GABRB3: variants seen among roughly 807,000 people sequenced by gnomAD.
GABRB3 encodes gamma-aminobutyric acid receptor subunit beta-3.
In GABRB3, 14 loss-of-function variants were observed where a neutral mutation model predicts 52.1. That is an observed-to-expected ratio of 0.27 (90% CI 0.18 to 0.42). The LOEUF (loss-of-function observed/expected upper bound fraction) is 0.42. Among genes scored for constraint, GABRB3 ranks in the 10% least tolerant of loss-of-function variants. The pLI is 1.00. For missense variants in GABRB3, 307 were observed against 609.1 expected (o/e 0.50, Z 5.22); for synonymous variants, 260 against 232.3 (o/e 1.12, Z -1.08).
At chr15:26,738,681 T>G (rs1284190709) in intron 3 of GABRB3, among the ~76,000 whole-genome samples, 1 of 152,034 alleles carries the variant, frequency 6.6e-6, no homozygotes, top group Non-Finnish European at 1.5e-5. Flanking sequence ...TGTTACCACC[T>G]CCCATCCTAC....
At chr15:26,682,344 G>A (rs148925910) in intron 3 of GABRB3, among the ~76,000 whole-genome samples, 3 of 152,224 alleles carry the variant, frequency 2.0e-5, no homozygotes, top group Non-Finnish European at 4.4e-5. Context: ...GAAAATGCCC[G>A]GGCGGGTTTC....
chr15:26,740,836 T>C lies in GABRB3; in HGVS notation c.240+31566A>G, dbSNP rs995824698. Among the ~76,000 whole-genome samples the C allele has an allele frequency of 3.3e-5, 5 of 152,100 alleles. No homozygotes were observed. The South Asian group carries it at 8.3e-4, about 25-fold the overall frequency. The stretch of plus-strand genomic sequence containing the variant: ...GAGTACTAAGAATGTACTCATTCAC[T>C]CTCAGAGTCTGCTGGTGTGCACAAT... On this transcript the variant is annotated intron_variant, in intron 3 of 8. Transcript: ENST00000311550.
intron 5 of GABRB3, chr15:26,581,080 G>A (rs557743251): frequency 4.7e-4 from 87 of 184,492 alleles, no homozygotes; most frequent in Non-Finnish European, 8.3e-4. Context: ...AACAGTGGTC[G>A]TTAGCTGGAT....
intron 3 of GABRB3, among the ~76,000 whole-genome samples, chr15:26,717,116 C>T (rs1468499747): frequency 1.4e-5 from 2 of 140,840 alleles, no homozygotes; most frequent in South Asian, 2.5e-4. Context: ...GTTCTGGGGA[C>T]ATCCGCCCAA....
intron 3 of GABRB3, among the ~76,000 whole-genome samples, chr15:26,667,334 T>C (rs1001842610): frequency 1.3e-5 from 2 of 152,116 alleles, no homozygotes; most frequent in African/African-American, 4.8e-5. Context: ...TCTAGTAGGA[T>C]CTGGGGGTGA....
intron 3 of GABRB3, among the ~76,000 whole-genome samples, chr15:26,696,505 T>G (rs1419646126): frequency 6.6e-6 from 1 of 152,276 alleles, no homozygotes; most frequent in Middle Eastern, 3.4e-3. Flanking sequence ...CAGGTAATCA[T>G]CTTTTCCTGG....
chr15:26,728,702 G>A (rs1488277197), intron 3 of GABRB3, among the ~76,000 whole-genome samples: 2 of 152,140 alleles, frequency 1.3e-5, no homozygotes, highest in South Asian at 4.1e-4. Context: ...CTTTCATGAC[G>A]TATTTGCTCT....
chr15:26,568,684 G>GGGTTTTTTTTTTTTTTTTTTT (rs1555402038), intron 6 of GABRB3, among the ~76,000 whole-genome samples: 1 of 133,668 alleles, frequency 7.5e-6, no homozygotes, highest in Non-Finnish European at 1.6e-5. Context: ...TTTTTTTTTG[G>GGGTTTTTTTTTTTTTTTTTTT]TTTTGTATGT....
At chr15:26,663,911 T>G (rs527857149) in intron 3 of GABRB3, among the ~76,000 whole-genome samples, 1 of 152,352 alleles carries the variant, frequency 6.6e-6, no homozygotes, top group African/African-American at 2.4e-5. Context: ...TGATTAAGTT[T>G]TAACATATAT....
intron 4 of GABRB3, among the ~76,000 whole-genome samples, chr15:26,618,563 C>T (rs953356689): frequency 6.6e-6 from 1 of 152,090 alleles, no homozygotes; most frequent in African/African-American, 2.4e-5. Flanking sequence ...CCATAAAAAC[C>T]CTAGAAGAAA....
intron 3 of GABRB3, among the ~76,000 whole-genome samples, chr15:26,678,495 C>A (rs893354570): frequency 6.7e-6 from 1 of 150,280 alleles, no homozygotes; most frequent in Non-Finnish European, 1.5e-5. Context: ...TGAGAAAGCA[C>A]GAGAAAGAAA....
chr15:26,687,864 C>A (rs1888456455), intron 3 of GABRB3, among the ~76,000 whole-genome samples: 1 of 152,162 alleles, frequency 6.6e-6, no homozygotes, highest in African/African-American at 2.4e-5. Context: ...AGCCCAGCTT[C>A]AAACCAAATA....
chr15:26,580,199 G>C lies in GABRB3; in HGVS notation c.682+120C>G, dbSNP rs1451748790. 8 of 1,206,276 alleles carry C rather than the reference G, an allele frequency of 6.6e-6. No individual in the cohort carries two copies. In the East Asian group the frequency reaches 1.9e-4, roughly 28 times the overall value. 74.7% of individuals were successfully genotyped at this position (1,206,276 alleles called of 1,614,324 possible). A position where few individuals can be genotyped will look rare whatever the true frequency, so the allele number is the denominator to read the frequency against. On this transcript the variant is annotated intron_variant, in intron 6 of 8. Transcript: ENST00000311550. ...GGAGGGGTGTGTGTGATGTGTGAATGATAACAGCACTCCTTCCGATGATCC... is the reference window on the plus strand; with the variant it reads ...GGAGGGGTGTGTGTGATGTGTGAATCATAACAGCACTCCTTCCGATGATCC...
intron 3 of GABRB3, among the ~76,000 whole-genome samples, chr15:26,636,330 C>A (rs1054418899): frequency 3.9e-5 from 6 of 152,322 alleles, no homozygotes; most frequent in Admixed American, 1.3e-4. Flanking sequence ...CCTCCAGCAT[C>A]CATGGCACCA....
At chr15:26,549,412 T>G (rs1889376200) in intron 8 of GABRB3, among the ~76,000 whole-genome samples, 2 of 152,036 alleles carry the variant, frequency 1.3e-5, no homozygotes, top group Admixed American at 1.3e-4. Flanking sequence ...CAGACTGTGG[T>G]GGAAAGGCAC....
At chr15:26,764,171 AAAAAAAAAATATATATATATATATATAT>A (rs1382210901) in intron 3 of GABRB3, among the ~76,000 whole-genome samples, 695 of 21,754 alleles carry the variant, frequency 0.032, 103 homozygotes, top group Admixed American at 0.05. Context: ...AAAAAAAAAA[AAAAAAAAAATATATATATATATATATAT>A]ATATATATAT....
At chr15:26,721,580 T>C (rs1396798631) in intron 3 of GABRB3, among the ~76,000 whole-genome samples, 1 of 151,782 alleles carries the variant, frequency 6.6e-6, no homozygotes, top group Non-Finnish European at 1.5e-5. Flanking sequence ...TGGGCATGCA[T>C]TAATCTTCTG....
At chr15:26,548,264 A>G (rs977218742) in intron 8 of GABRB3, 130 bp from the exon 9 acceptor site, 1 of 782,500 alleles carries the variant, frequency 1.3e-6, no homozygotes, top group Non-Finnish European at 2.3e-6. Flanking sequence ...TGTCAAATCC[A>G]GCACTCCGTT....
chr15:26,754,483 T>A (rs560194925), intron 3 of GABRB3, among the ~76,000 whole-genome samples: 1 of 152,286 alleles, frequency 6.6e-6, no homozygotes, highest in South Asian at 2.1e-4. Flanking sequence ...ACTGATTCAT[T>A]TCACAATCAA....
Sources: gnomAD v4.1 joint callset for allele counts (sites outside exome capture counted in the v4.1 genomes callset) on GRCh38, gnomAD v4.1.1 for gene constraint, MANE v1.5 for transcripts, NCBI Gene and HGNC (gene_info 2026-07-23, HGNC 2026-07-21) for gene names.